Variants in GLIS3 observed in about 807,000 individuals in gnomAD.
GLIS3 encodes GLIS family zinc finger 3.
In GLIS3, 53 loss-of-function variants were observed where a neutral mutation model predicts 78.6. The ratio of observed to expected loss-of-function variants is 0.67; its 90% CI spans 0.54 to 0.85. GLIS3 has a LOEUF of 0.85. GLIS3 is among the 40% of genes least tolerant of loss of function. GLIS3 has a pLI of 0.00. For synonymous variants in GLIS3, 684 were observed against 509.9 expected (o/e 1.34, Z -4.60); for missense variants, 1,703 against 1,231.1 (o/e 1.38, Z -5.74).
intron 2 of GLIS3, among the ~76,000 whole-genome samples, chr9:4,174,524 AAG>A (rs945120525): frequency 1.1e-4 from 17 of 152,240 alleles, no homozygotes; most frequent in African/African-American, 3.9e-4. Flanking sequence ...TCAAAAGAAA[AAG>A]AGGATTTGGA....
intron 8 of GLIS3, among the ~76,000 whole-genome samples, chr9:3,862,606 T>C (rs1029640525): frequency 5.9e-5 from 9 of 152,224 alleles, no homozygotes; most frequent in African/African-American, 2.2e-4. Context: ...TCATTTGTAC[T>C]GTACGCACAA....
At chr9:4,467,496 C>T in the GLIS3 span, among the ~76,000 whole-genome samples, 551 of 152,296 alleles carry the variant, frequency 3.6e-3, 4 homozygotes, top group African/African-American at 0.012. Flanking sequence ...CCGCAGCCTC[C>T]GCTGGTGATA....
intron 2 of GLIS3, among the ~76,000 whole-genome samples, chr9:4,214,224 A>G (rs1167294544): frequency 6.6e-6 from 1 of 152,226 alleles, no homozygotes; most frequent in Non-Finnish European, 1.5e-5. Flanking sequence ...TCATCTTGTC[A>G]TAAAAGCTTT....
intron 4 of GLIS3, among the ~76,000 whole-genome samples, chr9:4,116,841 T>C (rs1423348314): frequency 1.1e-4 from 16 of 152,212 alleles, no homozygotes. Context: ...TCTAAACTAA[T>C]ATAAAACACA....
At chr9:4,358,544 A>G in the GLIS3 span, among the ~76,000 whole-genome samples, 1 of 152,152 alleles carries the variant, frequency 6.6e-6, no homozygotes, top group Admixed American at 6.5e-5. Context: ...GCACGTTTCT[A>G]GTTGCTGGGG....
chr9:4,330,366 G>A (rs1321021337), intron 2 of GLIS3, among the ~76,000 whole-genome samples: 1 of 152,244 alleles, frequency 6.6e-6, no homozygotes, highest in East Asian at 1.9e-4. Flanking sequence ...CCTGCGAGTT[G>A]GCACTGCTAA....
At chr9:3,846,189 A>G (rs1192134939) in intron 9 of GLIS3, among the ~76,000 whole-genome samples, 3 of 152,222 alleles carry the variant, frequency 2.0e-5, no homozygotes, top group Admixed American at 6.5e-5. Context: ...AAGGAACCGC[A>G]TATTTATGGT....
chr9:4,456,498 G>T, the GLIS3 span, among the ~76,000 whole-genome samples: 1 of 152,142 alleles, frequency 6.6e-6, no homozygotes, highest in South Asian at 2.1e-4. Flanking sequence ...CAGCAATATG[G>T]CTATTCTGCT....
chr9:3,997,984 T>G (rs1588422222), intron 4 of GLIS3, among the ~76,000 whole-genome samples: 1 of 152,226 alleles, frequency 6.6e-6, no homozygotes, highest in East Asian at 1.9e-4. Flanking sequence ...AATTAAGAGT[T>G]TGAAGAAGCT....
intron 4 of GLIS3, among the ~76,000 whole-genome samples, chr9:4,110,308 A>G (rs1831106629): frequency 6.6e-6 from 1 of 152,142 alleles, no homozygotes; most frequent in Non-Finnish European, 1.5e-5. Context: ...TGCTCACCCT[A>G]ATTGTAGAGC....
chr9:4,122,847 A>G (rs1832289975), intron 3 of GLIS3, among the ~76,000 whole-genome samples: 1 of 152,210 alleles, frequency 6.6e-6, no homozygotes, highest in Admixed American at 6.5e-5. Flanking sequence ...TTTAGGGGAA[A>G]TATATACAAT....
At chr9:4,215,144 T>C (rs1308003894) in intron 2 of GLIS3, among the ~76,000 whole-genome samples, 1 of 152,200 alleles carries the variant, frequency 6.6e-6, no homozygotes, top group Non-Finnish European at 1.5e-5. Flanking sequence ...GACAAAACTC[T>C]AAGACCACTT....
intron 2 of GLIS3, among the ~76,000 whole-genome samples, chr9:4,339,873 A>AGGGGGAGGGGAGGGGGAGGGGT: frequency 3.1e-5 from 1 of 32,124 alleles, no homozygotes; most frequent in African/African-American, 1.5e-4. Context: ...GGGGGAGGGG[A>AGGGGGAGGGGAGGGGGAGGGGT]GGGGGAGGGA....
chr9:3,828,204 G>A lies in GLIS3; in HGVS notation c.*68C>T. On this transcript the variant is annotated 3_prime_UTR_variant, in exon 11 of 11. Coordinates refer to ENST00000381971, the MANE Select transcript of GLIS3 (RefSeq NM_001042413.2). ...ACATCCTTCCTCAAGCAGTCTGTGA[G>A]AGTACGAAAACAAAAGGTGGCAAGC... 6.3e-7 allele frequency: 1 copy of A among 1,583,796 alleles called. No individual in the cohort carries two copies. Among genetic ancestry groups the A allele is most frequent in the East Asian group, 2.2e-5 (1 of 44,722 alleles).
intron 2 of GLIS3, among the ~76,000 whole-genome samples, chr9:4,199,154 T>C (rs1161467163): frequency 6.6e-6 from 1 of 152,016 alleles, no homozygotes; most frequent in Non-Finnish European, 1.5e-5. Context: ...AATCACCCAA[T>C]AGAAACTACA....
chr9:3,969,822 A>C (rs147018141), intron 4 of GLIS3, among the ~76,000 whole-genome samples: 1 of 152,300 alleles, frequency 6.6e-6, no homozygotes, highest in East Asian at 1.9e-4. Context: ...GCAATCCAGC[A>C]CCTCTGTCCA....
At chr9:4,323,811 T>C (rs777382147) in intron 2 of GLIS3, among the ~76,000 whole-genome samples, 6 of 152,200 alleles carry the variant, frequency 3.9e-5, no homozygotes, top group Admixed American at 2.6e-4. Flanking sequence ...AAGCACATCA[T>C]AGGGGCGCAG....
the GLIS3 span, among the ~76,000 whole-genome samples, chr9:4,434,689 G>A: frequency 3.1e-4 from 47 of 152,226 alleles, 1 homozygote; most frequent in Non-Finnish European, 5.9e-4. Flanking sequence ...ATGTAAGCCA[G>A]TTCTTCTTCC....
At chr9:4,348,843 G>A (rs1016924689), upstream of GLIS3, among the ~76,000 whole-genome samples, 1 of 152,062 alleles carries the variant, frequency 6.6e-6, no homozygotes, top group Non-Finnish European at 1.5e-5. Flanking sequence ...AATGTGCATA[G>A]AAAATACGGA....
Sources: allele counts gnomAD v4.1 joint callset (sites outside exome capture counted in the v4.1 genomes callset), GRCh38; gene constraint gnomAD v4.1.1; transcripts MANE v1.5; gene names NCBI Gene and HGNC (gene_info 2026-07-23, HGNC 2026-07-21).